The following PTPN14 variants were observed in gnomAD, a reference collection of about 807,000 sequenced individuals.
PTPN14 encodes the protein protein tyrosine phosphatase non-receptor type 14, also known as tyrosine-protein phosphatase non-receptor type 14.
A neutral mutation model predicts 126.8 loss-of-function variants in PTPN14; 53 were observed. The observed-to-expected ratio is 0.42, with a 90% CI of 0.34 to 0.53. The LOEUF (loss-of-function observed/expected upper bound fraction) is 0.53. Ranked by LOEUF, PTPN14 falls within the 20% of genes least tolerant of loss-of-function variation. PTPN14 has a pLI of 0.08. For synonymous variants in PTPN14, 630 were observed against 599.3 expected (o/e 1.05, Z -0.75); for missense variants, 1,257 against 1,552.9 (o/e 0.81, Z 3.20).
chr1:214,398,104 G>A (rs1241988646), intron 7 of PTPN14, 103 bp from the exon 8 acceptor site: 1 of 885,702 alleles, frequency 1.1e-6, no homozygotes, highest in Non-Finnish European at 1.8e-6. Context: ...ATCCACAGAT[G>A]AATGGATAAA....
rs1187680423 is a variant in PTPN14, at chr1:214,527,078, C to T, written c.-155+24105G>A. 1.2e-4 allele frequency among the ~76,000 whole-genome samples: 18 copies of T among 147,832 alleles called. 1 individual carries two copies. The highest frequency in any genetic ancestry group is 2.1e-4 in the Non-Finnish European group (14 of 67,178). On this transcript the variant is annotated intron_variant, in intron 1 of 18. Coordinates refer to ENST00000366956, the MANE Select transcript of PTPN14 (RefSeq NM_005401.5). ...TGCACTCCAGCCTGGGCAACAACAG[C>T]AAAACTCCATCTCCAAAAAAGAAAA...
Position 214,383,296 on chromosome 1 carries a change from G to C in PTPN14, c.2544+15C>G. The C allele has an allele frequency of 6.3e-7, 1 of 1,599,384 alleles. No homozygotes were observed. The highest frequency in any genetic ancestry group is 8.6e-7 in the Non-Finnish European group (1 of 1,168,814). On this transcript the variant is annotated intron_variant, in intron 13 of 18. Coordinates refer to ENST00000366956, the MANE Select transcript of PTPN14 (RefSeq NM_005401.5). The surrounding 1 kb of genome is among the most constrained non-coding windows in gnomAD (Gnocchi z 4.4). ...TTTCACACTGGAAAATGCCCTGGGA[G>C]AGGAGGACACTCACCCTGATCATCA...
chr1:214,472,821 T>C lies in PTPN14; in HGVS notation c.-154-7864A>G, dbSNP rs933844131. Among the ~76,000 whole-genome samples the C allele has an allele frequency of 7.9e-5, 12 of 152,342 alleles. 1 individual carries two copies. Among genetic ancestry groups the C allele is most frequent in the Admixed American group, 7.8e-4 (12 of 15,296 alleles). ...TTCTAGCCCCTGATCTGTCTTATACTGGGGGTATTCTCACAGACAGAGATT... is the reference window on the plus strand; with the variant it reads ...TTCTAGCCCCTGATCTGTCTTATACCGGGGGTATTCTCACAGACAGAGATT... On this transcript the variant is annotated intron_variant, in intron 1 of 18. Transcript: ENST00000366956.
intron 15 of PTPN14, among the ~76,000 whole-genome samples, chr1:214,374,380 T>C (rs971696979): frequency 1.3e-5 from 2 of 152,248 alleles, no homozygotes; most frequent in Non-Finnish European, 2.9e-5. Context: ...GGTTTATCCG[T>C]GGAATTGTGA....
At chr1:214,465,042 C>G (rs1013271564) in intron 1 of PTPN14, 85 bp from the exon 2 acceptor site, 2 of 6,180 alleles carry the variant, frequency 3.2e-4, no homozygotes, top group Non-Finnish European at 6.5e-4. Flanking sequence ...GAAGCCCCCC[C>G]CCCCCCCCAC....
intron 1 of PTPN14, among the ~76,000 whole-genome samples, chr1:214,515,978 A>G (rs1655093583): frequency 2.0e-5 from 3 of 152,144 alleles, no homozygotes; most frequent in African/African-American, 4.8e-5. Flanking sequence ...TAGGCCTGCT[A>G]TATCTGATAA....
At chr1:214,404,765 T>C (rs1156553837) in intron 5 of PTPN14, among the ~76,000 whole-genome samples, 1 of 152,214 alleles carries the variant, frequency 6.6e-6, no homozygotes. Context: ...GAGCGCCTTG[T>C]GTACTTGACT....
At position 214,353,344 on chromosome 1, in the gene PTPN14, T is replaced by C. The variant is rs1415407105; in HGVS notation, c.*4578A>G. The C allele has an allele frequency of 1.3e-5, 2 of 152,182 alleles. No homozygotes were observed. The highest frequency in any genetic ancestry group is 2.9e-5 in the Non-Finnish European group (2 of 68,024). 9.4% of individuals were successfully genotyped at this position (152,182 alleles called of 1,614,324 possible). A position where few individuals can be genotyped will look rare whatever the true frequency, so the allele number is the denominator to read the frequency against. ...CTACACATCACTTCATTTGTGTGAATTCAATGTAGTATTCAGCATGTGGCA... is the reference window on the plus strand; with the variant it reads ...CTACACATCACTTCATTTGTGTGAACTCAATGTAGTATTCAGCATGTGGCA... On this transcript the variant is annotated 3_prime_UTR_variant, in exon 19 of 19. Coordinates refer to ENST00000366956, the MANE Select transcript of PTPN14 (RefSeq NM_005401.5).
At chr1:214,420,778 G>T (rs762270493) in intron 3 of PTPN14, among the ~76,000 whole-genome samples, 1 of 152,186 alleles carries the variant, frequency 6.6e-6, no homozygotes, top group Non-Finnish European at 1.5e-5. Flanking sequence ...ATGCTATTGG[G>T]TACAGATTTC....
intron 5 of PTPN14, among the ~76,000 whole-genome samples, chr1:214,404,280 A>G (rs1335342023): frequency 6.6e-6 from 1 of 152,188 alleles, no homozygotes; most frequent in Non-Finnish European, 1.5e-5. Flanking sequence ...TTCACGAGAG[A>G]CTTTAGAGCA....
intron 3 of PTPN14, among the ~76,000 whole-genome samples, chr1:214,451,229 C>A (rs759716694): frequency 6.6e-6 from 1 of 152,036 alleles, no homozygotes; most frequent in Admixed American, 6.6e-5. Flanking sequence ...GGCATGATCA[C>A]GGCTCACTGC....
intron 1 of PTPN14, among the ~76,000 whole-genome samples, chr1:214,471,546 C>T (rs1053962168): frequency 6.6e-6 from 1 of 151,172 alleles, no homozygotes; most frequent in East Asian, 1.9e-4. Context: ...TAGGTTTGCT[C>T]AAAGCATGGC....
chr1:214,452,000 A>C, intron 2 of PTPN14, 26 bp from the exon 3 acceptor site: 1 of 1,602,832 alleles, frequency 6.2e-7, no homozygotes, highest in Non-Finnish European at 8.5e-7. Flanking sequence ...AAATAGCATC[A>C]GTTCATGCTC....
intron 2 of PTPN14, among the ~76,000 whole-genome samples, chr1:214,460,700 C>G (rs1196709105): frequency 6.6e-6 from 1 of 152,074 alleles, no homozygotes; most frequent in African/African-American, 2.4e-5. Context: ...GTTTCTGTAC[C>G]GCAGCACAAG....
chr1:214,469,994 G>A (rs1660718961), intron 1 of PTPN14, among the ~76,000 whole-genome samples: 1 of 152,054 alleles, frequency 6.6e-6, no homozygotes, highest in African/African-American at 2.4e-5. Context: ...CTACAAAGCT[G>A]CAACTCTTGC....
chr1:214,436,025 A>C (rs925751308), intron 3 of PTPN14, among the ~76,000 whole-genome samples: 3 of 152,230 alleles, frequency 2.0e-5, no homozygotes, highest in Non-Finnish European at 4.4e-5. Flanking sequence ...TGGATAAAGA[A>C]AATATGTTAC....
chr1:214,438,125 T>C (rs1004618660), intron 3 of PTPN14, among the ~76,000 whole-genome samples: 1 of 152,202 alleles, frequency 6.6e-6, no homozygotes, highest in Non-Finnish European at 1.5e-5. Context: ...CTGGAATCTG[T>C]TTATCTTTTC....
chr1:214,550,560 A>G (rs1442471725), intron 1 of PTPN14, among the ~76,000 whole-genome samples: 1 of 152,148 alleles, frequency 6.6e-6, no homozygotes, highest in Non-Finnish European at 1.5e-5. Flanking sequence ...GGCTGTTAAT[A>G]CCTACAACTT....
Position 214,505,969 on chromosome 1 carries a change from A to T in PTPN14, c.-154-41012T>A, listed in dbSNP as rs75626247. On this transcript the variant is annotated intron_variant, in intron 1 of 18. Coordinates refer to ENST00000366956, the MANE Select transcript of PTPN14 (RefSeq NM_005401.5). ...ATAGTCAGTTCAGCACAGATTTACA[A>T]TGAACTCTCTCAGGGTAAACCTAAG... Among the ~76,000 whole-genome samples the T allele has an allele frequency of 1.2e-4, 18 of 152,294 alleles. 2 individuals are homozygous for T. In the South Asian group the frequency reaches 3.7e-3, roughly 32 times the overall value.
Sources: gnomAD v4.1 joint callset for allele counts (sites outside exome capture counted in the v4.1 genomes callset) on GRCh38, gnomAD v4.1.1 for gene constraint, Gnocchi (gnomAD v3.1) non-coding constraint, MANE v1.5 for transcripts, NCBI Gene and HGNC (gene_info 2026-07-23, HGNC 2026-07-21) for gene names.